Variants in RERE observed in about 807,000 individuals in gnomAD.
RERE encodes arginine-glutamic acid dipeptide repeats.
Under a neutral mutation model 146.1 loss-of-function variants are expected in RERE, and 40 were observed. The observed-to-expected ratio is 0.27, with a 90% CI of 0.21 to 0.36. RERE has a LOEUF of 0.36. RERE is among the 10% of genes least tolerant of loss of function. RERE has a pLI of 1.00. For missense variants in RERE, 1,933 were observed against 2,138.7 expected, an observed-to-expected ratio of 0.90 and a Z score of 1.90; for synonymous variants, 1,003 against 866.0, an observed-to-expected ratio of 1.16 and a Z score of -2.78.
At position 8,360,467 on chromosome 1, in the gene RERE, G is replaced by GGGGGGGGGGC; in HGVS notation, c.3039_3040insGCCCCCCCCC (p.Pro1014AlafsTer92). 1 of 591,152 alleles carries GGGGGGGGGGC rather than the reference G, an allele frequency of 1.7e-6. No homozygotes were observed. The highest frequency in any genetic ancestry group is 2.6e-6 in the Non-Finnish European group (1 of 379,748). 36.6% of individuals were successfully genotyped at this position (591,152 alleles called of 1,614,324 possible). A position where few individuals can be genotyped will look rare whatever the true frequency, so the allele number is the denominator to read the frequency against. The stretch of plus-strand genomic sequence containing the variant: ...GGGGGGTGGGAGGCAGGGGGCGGGG[G>GGGGGGGGGGC]CAGGTTCTGGCTCTGGGTCAGCCCG... On this transcript the variant is annotated frameshift_variant, in exon 18 of 23. Transcript: ENST00000400908. LOFTEE classifies it high-confidence loss of function.
At chr1:8,480,128 G>GTTTTTTTTTTTTTTTT (rs112068785) in intron 10 of RERE, among the ~76,000 whole-genome samples, 1 of 135,224 alleles carries the variant, frequency 7.4e-6, no homozygotes, top group Non-Finnish European at 1.6e-5. Context: ...GCCTTTTTTT[G>GTTTTTTTTTTTTTTTT]TTTTTTTTTT....
chr1:8,471,018 T>C (rs1644677175), intron 10 of RERE, among the ~76,000 whole-genome samples: 1 of 151,816 alleles, frequency 6.6e-6, no homozygotes, highest in Non-Finnish European at 1.5e-5. Flanking sequence ...GGTTTCACCA[T>C]GCTGGCCAGG....
At chr1:8,593,586 A>C (rs978289187) in intron 4 of RERE, among the ~76,000 whole-genome samples, 1 of 152,204 alleles carries the variant, frequency 6.6e-6, no homozygotes, top group Non-Finnish European at 1.5e-5. Context: ...TAAATGACCC[A>C]GTCTCAGGTA....
chr1:8,668,821 C>T (rs939964199), intron 1 of RERE, among the ~76,000 whole-genome samples: 1 of 151,988 alleles, frequency 6.6e-6, no homozygotes, highest in African/African-American at 2.4e-5. Context: ...TACAGAGTAA[C>T]TGCTATGGTT....
chr1:8,617,230 G>A (rs2124203060), intron 3 of RERE, among the ~76,000 whole-genome samples: 1 of 151,584 alleles, frequency 6.6e-6, no homozygotes, highest in Middle Eastern at 3.4e-3. Flanking sequence ...TGTAATTCCA[G>A]CTACTTGGGA....
intron 8 of RERE, among the ~76,000 whole-genome samples, chr1:8,503,127 T>TAAATAAA (rs1553176592): frequency 2.1e-5 from 3 of 143,688 alleles, no homozygotes; most frequent in African/African-American, 7.8e-5. Flanking sequence ...AATAAATAAA[T>TAAATAAA]AAAAAAGAAT....
At chr1:8,716,434 C>T (rs1157481415) in intron 1 of RERE, among the ~76,000 whole-genome samples, 2 of 152,062 alleles carry the variant, frequency 1.3e-5, no homozygotes, top group East Asian at 3.9e-4. Context: ...TGCACCACTG[C>T]ACTCCAGCCT....
intron 1 of RERE, among the ~76,000 whole-genome samples, chr1:8,705,131 C>A (rs575530051): frequency 2.6e-5 from 4 of 152,258 alleles, no homozygotes; most frequent in African/African-American, 7.2e-5. Flanking sequence ...TTCTACAGAC[C>A]ATTTTAAAAG....
chr1:8,673,883 T>A (rs1208999997), intron 1 of RERE, among the ~76,000 whole-genome samples: 1 of 151,992 alleles, frequency 6.6e-6, no homozygotes, highest in Admixed American at 6.6e-5. Flanking sequence ...CTACACAAAT[T>A]AGCTGGGCAC....
At chr1:8,575,561 A>ATATATATATATATATT (rs1337650659) in intron 4 of RERE, among the ~76,000 whole-genome samples, 25 of 98,638 alleles carry the variant, frequency 2.5e-4, no homozygotes, top group African/African-American at 1.1e-3. Context: ...ATATATATAT[A>ATATATATATATATATT]TTTTTTTTTT....
At chr1:8,472,352 A>T (rs1644700343) in intron 10 of RERE, among the ~76,000 whole-genome samples, 1 of 152,208 alleles carries the variant, frequency 6.6e-6, no homozygotes, top group South Asian at 2.1e-4. Flanking sequence ...CCTGATCACG[A>T]CCACACAGCT....
chr1:8,525,899 C>T (rs1310107836), intron 7 of RERE: 9 of 1,415,046 alleles, frequency 6.4e-6, no homozygotes, highest in Non-Finnish European at 8.3e-6. Context: ...GTCTCAGAGA[C>T]CTCATAGAGC....
chr1:8,570,118 C>T (rs1646201534), intron 4 of RERE, among the ~76,000 whole-genome samples: 1 of 151,956 alleles, frequency 6.6e-6, no homozygotes, highest in African/African-American at 2.4e-5. Context: ...GCGGGCGGAT[C>T]ACGAGGTCAA....
chr1:8,677,456 A>AG (rs1398647496), intron 1 of RERE, among the ~76,000 whole-genome samples: 1 of 138,774 alleles, frequency 7.2e-6, no homozygotes, highest in African/African-American at 2.8e-5. Flanking sequence ...AAAGAAAAGA[A>AG]AAAAAAAAAA....
chr1:8,369,991 TG>T (rs1232259186), intron 12 of RERE, among the ~76,000 whole-genome samples: 1 of 151,894 alleles, frequency 6.6e-6, no homozygotes, highest in Non-Finnish European at 1.5e-5. Flanking sequence ...GGGGTTTCAC[TG>T]TGTTTGCCAG....
chr1:8,687,317 G>A (rs1211148012), intron 1 of RERE, among the ~76,000 whole-genome samples: 8 of 152,182 alleles, frequency 5.3e-5, no homozygotes, highest in Admixed American at 2.6e-4. Flanking sequence ...GCAAGATGTG[G>A]TAGGAGTCTG....
chr1:8,681,752 G>T (rs574134575), intron 1 of RERE, among the ~76,000 whole-genome samples: 1 of 152,202 alleles, frequency 6.6e-6, no homozygotes, highest in African/African-American at 2.4e-5. Flanking sequence ...AGGTACTAAC[G>T]CAATCACCAC....
chr1:8,595,708 T>C (rs182414656), intron 4 of RERE, among the ~76,000 whole-genome samples: 11 of 152,294 alleles, frequency 7.2e-5, no homozygotes, highest in Admixed American at 1.3e-4. Flanking sequence ...AAATGAGTTC[T>C]TACAATACCT....
chr1:8,611,414 G>A (rs1186656702), intron 4 of RERE, among the ~76,000 whole-genome samples: 1 of 151,416 alleles, frequency 6.6e-6, no homozygotes, highest in Non-Finnish European at 1.5e-5. Context: ...TGAGGCAGGA[G>A]AATCGCTTAA....
Sources: allele counts gnomAD v4.1 joint callset (sites outside exome capture counted in the v4.1 genomes callset), GRCh38; gene constraint gnomAD v4.1.1; transcripts MANE v1.5; gene names NCBI Gene and HGNC (gene_info 2026-07-23, HGNC 2026-07-21).